The following MICU2 variants were observed in gnomAD, a reference collection of about 807,000 sequenced individuals.
MICU2 encodes the protein calcium uptake protein 2, mitochondrial.
Under a neutral mutation model 60.4 loss-of-function variants are expected in MICU2, and 64 were observed. The ratio of observed to expected loss-of-function variants is 1.06; its 90% CI spans 0.87 to 1.31. MICU2 has a LOEUF of 1.31. MICU2 is among the 50% of genes most tolerant of loss of function. The pLI, the probability that MICU2 is intolerant of heterozygous loss-of-function variation, is 0.00. For synonymous variants in MICU2, 201 were observed against 175.0 expected (o/e 1.15, Z -1.17); for missense variants, 569 against 531.0 (o/e 1.07, Z -0.70).
chr13:21,587,426 G>T (rs575854721), intron 1 of MICU2, among the ~76,000 whole-genome samples: 7 of 152,138 alleles, frequency 4.6e-5, no homozygotes, highest in Non-Finnish European at 7.4e-5. Context: ...AATCTAATTT[G>T]TTTACCTCCT....
intron 2 of MICU2, among the ~76,000 whole-genome samples, chr13:21,548,921 GTTTTTTT>G (rs34908034): frequency 1.6e-4 from 14 of 86,318 alleles, no homozygotes; most frequent in African/African-American, 3.0e-4. Context: ...AAGTTTGAGA[GTTTTTTT>G]TTTTTTTTTT....
intron 1 of MICU2, among the ~76,000 whole-genome samples, chr13:21,581,575 G>A (rs896804553): frequency 6.6e-6 from 1 of 152,118 alleles, no homozygotes; most frequent in Non-Finnish European, 1.5e-5. Flanking sequence ...CAGGAAAAAT[G>A]ACAAAGATGA....
chr13:21,584,320 C>T (rs1004785011), intron 1 of MICU2, among the ~76,000 whole-genome samples: 14 of 146,254 alleles, frequency 9.6e-5, no homozygotes, highest in African/African-American at 2.3e-4. Context: ...AGCTGGGAGG[C>T]GGAGCTTGCA....
At chr13:21,583,155 TGAG>T (rs1261948250) in intron 1 of MICU2, among the ~76,000 whole-genome samples, 3 of 152,132 alleles carry the variant, frequency 2.0e-5, no homozygotes, top group African/African-American at 7.2e-5. Context: ...CTCGAGAGAT[TGAG>T]GAGGGAGGCC....
At chr13:21,532,226 T>A (rs1049719871) in intron 4 of MICU2, among the ~76,000 whole-genome samples, 1 of 152,232 alleles carries the variant, frequency 6.6e-6, no homozygotes, top group Non-Finnish European at 1.5e-5. Context: ...TACCTTGTCT[T>A]CAAATCTCTT....
At chr13:21,567,262 T>C (rs1156248257) in intron 1 of MICU2, among the ~76,000 whole-genome samples, 1 of 152,132 alleles carries the variant, frequency 6.6e-6, no homozygotes, top group Non-Finnish European at 1.5e-5. Context: ...GGTAATACCA[T>C]AAGATAGTCA....
Position 21,524,830 on chromosome 13 carries a change from C to T in MICU2, c.467-2180G>A, listed in dbSNP as rs546950295. Among the ~76,000 whole-genome samples, 6 of 152,298 alleles carry T rather than the reference C, an allele frequency of 3.9e-5. No individual in the cohort carries two copies. The East Asian group carries it at 9.6e-4, about 24-fold the overall frequency. On this transcript the variant is annotated intron_variant, in intron 4 of 11. Coordinates refer to ENST00000382374, the MANE Select transcript of MICU2 (RefSeq NM_152726.3). ...TCTATTCCGCTTTCTGTCTCTGTGA[C>T]GTTGCCTATTCTATCTAGGTACCTA...
rs189098736 is a variant in MICU2 at position 21,498,682 on chromosome 13, A to G, written c.934-2522T>C. Reference sequence around the variant, plus strand: ...GCGTGAGCCACCGCGCCTGGCTAATATTCTATTCTTATTAAAGTGTATACA... The same window carrying G: ...GCGTGAGCCACCGCGCCTGGCTAATGTTCTATTCTTATTAAAGTGTATACA... On this transcript the variant is annotated intron_variant, in intron 9 of 11. Coordinates refer to ENST00000382374, the MANE Select transcript of MICU2 (RefSeq NM_152726.3). Among the ~76,000 whole-genome samples the G allele has an allele frequency of 1.2e-3, 175 of 151,830 alleles. 1 individual carries two copies. The highest frequency in any genetic ancestry group is 1.9e-3 in the South Asian group (9 of 4,804).
intron 7 of MICU2, among the ~76,000 whole-genome samples, chr13:21,513,184 C>T (rs541371350): frequency 5.0e-4 from 76 of 152,118 alleles, no homozygotes; most frequent in South Asian, 4.1e-4. Context: ...ATGCCATCTA[C>T]GAAAAGAGAC....
chr13:21,520,126 C>CAAA (rs1886680581), intron 6 of MICU2, among the ~76,000 whole-genome samples: 1 of 152,156 alleles, frequency 6.6e-6, no homozygotes, highest in Non-Finnish European at 1.5e-5. Context: ...GTCCATGTTG[C>CAAA]TGCATTTATC....
At chr13:21,603,752 CG>C in intron 1 of MICU2, 186 bp downstream of exon 1, 1 of 635,834 alleles carries the variant, frequency 1.6e-6, no homozygotes, top group East Asian at 3.1e-5. Flanking sequence ...CGAAGGCCCT[CG>C]GGGACTCAGG....
intron 2 of MICU2, among the ~76,000 whole-genome samples, chr13:21,539,915 A>G (rs993293876): frequency 2.0e-5 from 3 of 152,122 alleles, no homozygotes; most frequent in African/African-American, 7.2e-5. Context: ...TTTCAATTTC[A>G]CTCACCCTAT....
In MICU2 at chr13:21,521,260, T is replaced by C; in HGVS notation, c.582A>G (p.Lys194=). 1 of 1,604,978 alleles carries C rather than the reference T, an allele frequency of 6.2e-7. No individual in the cohort carries two copies. The highest frequency in any genetic ancestry group is 1.7e-5 in the Admixed American group (1 of 57,812). The change falls in exon 6 of 12, where the codon AAA becomes AAG. Residue 194 remains lysine (K), a synonymous_variant. Coordinates refer to ENST00000382374, the MANE Select transcript of MICU2 (RefSeq NM_152726.3). ...LDTDGNEMIE[K]REFFKLQKII... ...GTCCACTTACCTTAAAAAATTCCCT[T>C]TTTTCAATCATCTCATTACCATCTG...
At chr13:21,500,432 T>G (rs35903050) in intron 9 of MICU2, among the ~76,000 whole-genome samples, 2,574 of 147,104 alleles carry the variant, frequency 0.017, 55 homozygotes, top group Non-Finnish European at 0.026. Flanking sequence ...TTTTTTTTTT[T>G]TTTTTTTTTT....
intron 2 of MICU2, among the ~76,000 whole-genome samples, chr13:21,563,690 T>G (rs1310091157): frequency 6.6e-6 from 1 of 152,182 alleles, no homozygotes; most frequent in African/African-American, 2.4e-5. Flanking sequence ...TTGAATATTC[T>G]GTTTTTCTCA....
chr13:21,579,033 G>A (rs534602756), intron 1 of MICU2, among the ~76,000 whole-genome samples: 1 of 152,174 alleles, frequency 6.6e-6, no homozygotes. Flanking sequence ...GGTTGATTAA[G>A]GTTTTAGTGG....
chr13:21,496,706 G>C (rs1255632435), intron 9 of MICU2: 2 of 152,342 alleles, frequency 1.3e-5, no homozygotes, highest in Non-Finnish European at 2.9e-5. Flanking sequence ...CTACTAACTG[G>C]AACAATCAGG....
intron 1 of MICU2, among the ~76,000 whole-genome samples, chr13:21,601,901 C>G (rs1477045784): frequency 6.6e-6 from 1 of 151,344 alleles, no homozygotes; most frequent in Non-Finnish European, 1.5e-5. Flanking sequence ...GTCAGGAGAT[C>G]GAGACCATCC....
chr13:21,562,658 A>G (rs904406936), intron 2 of MICU2, among the ~76,000 whole-genome samples: 2 of 152,242 alleles, frequency 1.3e-5, no homozygotes, highest in African/African-American at 4.8e-5. Context: ...ATCTTATAAC[A>G]AAAGTATTCC....
Sources: gnomAD v4.1 joint callset for allele counts (sites outside exome capture counted in the v4.1 genomes callset) on GRCh38, gnomAD v4.1.1 for gene constraint, MANE v1.5 for transcripts, NCBI Gene and HGNC (gene_info 2026-07-23, HGNC 2026-07-21) for gene names.